The following RTTN variants were observed in gnomAD, a reference collection of about 807,000 sequenced individuals.
The protein encoded by RTTN is rotatin.
In RTTN, 182 loss-of-function variants were observed where a neutral mutation model predicts 269.2. That is an observed-to-expected ratio of 0.68 (90% CI 0.60 to 0.76). The LOEUF (loss-of-function observed/expected upper bound fraction) is 0.76. RTTN is among the 30% of genes least tolerant of loss of function. The pLI, the probability that RTTN is intolerant of heterozygous loss-of-function variation, is 0.00. For synonymous variants in RTTN, 1,006 were observed against 963.5 expected (o/e 1.04, Z -0.82); for missense variants, 2,545 against 2,608.6 (o/e 0.98, Z 0.53).
chr18:70,189,484 T>C (rs980708468), intron 9 of RTTN, among the ~76,000 whole-genome samples: 1 of 152,224 alleles, frequency 6.6e-6, no homozygotes, highest in Non-Finnish European at 1.5e-5. Context: ...CCTGATGAGT[T>C]TATCAAACGT....
chr18:70,099,138 T>C (rs926107386), intron 28 of RTTN, among the ~76,000 whole-genome samples: 1 of 152,220 alleles, frequency 6.6e-6, no homozygotes, highest in African/African-American at 2.4e-5. Flanking sequence ...AAAATGGTAT[T>C]TCTAGTTCTA....
intron 3 of RTTN, among the ~76,000 whole-genome samples, chr18:70,203,182 G>A (rs2061994380): frequency 6.6e-6 from 1 of 151,916 alleles, no homozygotes; most frequent in African/African-American, 2.4e-5. Context: ...CTAATCTCAT[G>A]ACGATTCTAT....
chr18:70,026,529 G>A (rs1180708375), intron 43 of RTTN, among the ~76,000 whole-genome samples: 1 of 152,018 alleles, frequency 6.6e-6, no homozygotes, highest in African/African-American at 2.4e-5. Context: ...AGTTTCCTGA[G>A]GCCTCCCCAG....
intron 32 of RTTN, among the ~76,000 whole-genome samples, chr18:70,083,391 G>A (rs2058622198): frequency 6.6e-6 from 1 of 152,134 alleles, no homozygotes; most frequent in African/African-American, 2.4e-5. Context: ...GACAGATGGA[G>A]CACTTACTTT....
chr18:70,013,413 C>CCG (rs1233847974), intron 46 of RTTN, among the ~76,000 whole-genome samples: 4 of 145,572 alleles, frequency 2.7e-5, no homozygotes, highest in African/African-American at 1.0e-4. Context: ...GTGTGTGTGT[C>CCG]TGTGTGTGTG....
intron 32 of RTTN, among the ~76,000 whole-genome samples, chr18:70,076,707 T>A (rs2058437751): frequency 6.6e-6 from 1 of 152,032 alleles, no homozygotes; most frequent in South Asian, 2.1e-4. Context: ...ATAAGACTAC[T>A]GTAATGAACA....
At chr18:70,126,631 T>C (rs2059872531) in intron 25 of RTTN, among the ~76,000 whole-genome samples, 1 of 152,120 alleles carries the variant, frequency 6.6e-6, no homozygotes, top group African/African-American at 2.4e-5. Context: ...GATGTTTGCA[T>C]ATTCATTACC....
intron 27 of RTTN, among the ~76,000 whole-genome samples, chr18:70,113,060 A>C (rs1164336403): frequency 6.6e-6 from 1 of 152,194 alleles, no homozygotes; most frequent in Non-Finnish European, 1.5e-5. Flanking sequence ...CCTGCTCCTA[A>C]ATGACTACTG....
At position 70,057,674 on chromosome 18, in the gene RTTN, T is replaced by C. The variant is rs972493225; in HGVS notation, c.5031+68A>G. 4 of 1,131,978 alleles carry C rather than the reference T, an allele frequency of 3.5e-6. No homozygotes were observed. In the African/African-American group the frequency reaches 6.1e-5, roughly 17 times the overall value. 70.1% of individuals were successfully genotyped at this position (1,131,978 alleles called of 1,614,324 possible). ...TCATCCTTTTCCTATGACTAGTATC[T>C]CCTCAGCAAGATTTTTATTTTTGAC... On this transcript the variant is annotated intron_variant, in intron 37 of 48. Coordinates refer to ENST00000640769, the MANE Select transcript of RTTN (RefSeq NM_173630.4).
At chr18:70,062,629 G>A (rs200665231) in intron 35 of RTTN, among the ~76,000 whole-genome samples, 4 of 47,628 alleles carry the variant, frequency 8.4e-5, no homozygotes, top group African/African-American at 2.3e-4. Flanking sequence ...TTTTTTTTTC[G>A]TTTTTGGAGA....
Position 70,020,789 on chromosome 18 carries a change from A to G in RTTN, c.5979T>C (p.Cys1993=). Residue 1993 remains cysteine, a synonymous_variant, in exon 45 of 49, where the codon TGT becomes TGC. Coordinates refer to ENST00000640769, the MANE Select transcript of RTTN (RefSeq NM_173630.4). The part of the protein sequence containing the change: ...NGCSSLCWSS[C]GQHPVQATHR... Reference sequence around the variant, plus strand: ...GTGTAGCTTGAACAGGGTGTTGTCCACAACTTGACCAACAAAGAGAACTGC... The same window carrying G: ...GTGTAGCTTGAACAGGGTGTTGTCCGCAACTTGACCAACAAAGAGAACTGC... 1.2e-6 allele frequency: 2 copies of G among 1,612,964 alleles called. No homozygotes were observed. The highest frequency in any genetic ancestry group is 1.7e-6 in the Non-Finnish European group (2 of 1,179,286).
intron 25 of RTTN, among the ~76,000 whole-genome samples, chr18:70,122,372 T>C (rs1268869543): frequency 4.6e-5 from 7 of 152,106 alleles, no homozygotes; most frequent in Admixed American, 3.9e-4. Context: ...GCAAGAGATA[T>C]GAGATCCAAT....
intron 30 of RTTN, among the ~76,000 whole-genome samples, chr18:70,090,390 AAT>A (rs1428829565): frequency 6.8e-6 from 1 of 146,644 alleles, no homozygotes; most frequent in African/African-American, 2.4e-5. Context: ...CAATTACAAC[AAT>A]ATGTTATAAT....
Position 70,139,581 on chromosome 18 carries a change from A to C in RTTN, c.2788+18T>G, listed in dbSNP as rs527761884. Reference sequence around the variant, plus strand: ...ATTTAAGAACAATCTAATTATTAGCAGATTTTCTTTTATTTACCTCTGAAT... The same window carrying C: ...ATTTAAGAACAATCTAATTATTAGCCGATTTTCTTTTATTTACCTCTGAAT... On this transcript the variant is annotated intron_variant, in intron 21 of 48. Transcript: ENST00000640769. The C allele has an allele frequency of 2.9e-5, 40 of 1,398,198 alleles. No individual in the cohort carries two copies. The highest frequency in any genetic ancestry group is 3.9e-5 in the Non-Finnish European group (39 of 993,794). 86.6% of individuals were successfully genotyped at this position (1,398,198 alleles called of 1,614,324 possible).
intron 24 of RTTN, 80 bp downstream of exon 24, chr18:70,128,278 C>T (rs765583477): frequency 4.2e-5 from 50 of 1,192,634 alleles, no homozygotes; most frequent in Non-Finnish European, 5.3e-5. Context: ...AGCTACTGGA[C>T]CTAAGGAAAA....
chr18:70,053,398 G>T (rs1363744711), intron 38 of RTTN: 2 of 152,136 alleles, frequency 1.3e-5, no homozygotes, highest in Non-Finnish European at 2.9e-5. Context: ...GGGTATCACT[G>T]CCACTTGTTG....
chr18:70,010,922 C>T (rs1160523217), intron 46 of RTTN, among the ~76,000 whole-genome samples: 1 of 152,140 alleles, frequency 6.6e-6, no homozygotes, highest in African/African-American at 2.4e-5. Flanking sequence ...ACTGATCCCA[C>T]AGAAATCCAA....
chr18:70,057,717 C>T (rs745525761), intron 37 of RTTN, 25 bp downstream of exon 37: 4 of 1,594,836 alleles, frequency 2.5e-6, no homozygotes, highest in Non-Finnish European at 3.4e-6. Flanking sequence ...GTAAACAAAC[C>T]CACAAACAGA....
intron 10 of RTTN, among the ~76,000 whole-genome samples, chr18:70,179,485 T>G (rs1220568911): frequency 6.6e-6 from 1 of 152,174 alleles, no homozygotes; most frequent in East Asian, 1.9e-4. Flanking sequence ...GCTTTTTGTA[T>G]TGTTTTGTTT....
Sources: allele counts gnomAD v4.1 joint callset (sites outside exome capture counted in the v4.1 genomes callset), GRCh38; gene constraint gnomAD v4.1.1; transcripts MANE v1.5; gene names NCBI Gene and HGNC (gene_info 2026-07-23, HGNC 2026-07-21).